Variants in KIF1A observed in about 807,000 individuals in gnomAD.
KIF1A encodes kinesin-like protein KIF1A.
In KIF1A, 46 loss-of-function variants were observed where a neutral mutation model predicts 227.3. The ratio of observed to expected loss-of-function variants is 0.20; its 90% CI spans 0.16 to 0.26. The LOEUF is 0.26. KIF1A is among the 10% of genes least tolerant of loss of function. The pLI, the probability that KIF1A is intolerant of heterozygous loss-of-function variation, is 1.00. For missense variants in KIF1A, 1,683 were observed against 2,485.9 expected (o/e 0.68, Z 6.87); for synonymous variants, 1,022 against 1,012.8 (o/e 1.01, Z -0.17).
In KIF1A at chr2:240,726,787, G is replaced by C. The variant is rs777171568; in HGVS notation, c.4122+39C>G. The C allele has an allele frequency of 8.0e-7, 1 of 1,247,848 alleles. No individual in the cohort carries two copies. The highest frequency in any genetic ancestry group is 1.2e-6 in the Non-Finnish European group (1 of 859,826). The allele number at this position is 1,247,848 out of a possible 1,614,324, so 77.3% of individuals were successfully genotyped here. On this transcript the variant is annotated intron_variant, in intron 39 of 48. Coordinates refer to ENST00000498729, the MANE Select transcript of KIF1A (RefSeq NM_001244008.2). The surrounding 1 kb of genome is among the most constrained non-coding windows in gnomAD (Gnocchi z 5.2). ...ACAAGAACCTCAAGCTTCAGGGGCTGAGTGGTTTTGGTGGAGTGCCCTGGC... is the reference window on the plus strand; with the variant it reads ...ACAAGAACCTCAAGCTTCAGGGGCTCAGTGGTTTTGGTGGAGTGCCCTGGC...
intron 1 of KIF1A, among the ~76,000 whole-genome samples, chr2:240,809,665 G>A (rs1184770030): frequency 6.7e-6 from 1 of 148,812 alleles, no homozygotes; most frequent in Non-Finnish European, 1.5e-5. Flanking sequence ...CCCTAGGGAA[G>A]GAATTTTTTT....
chr2:240,813,485 A>C (rs1411749638), intron 1 of KIF1A, among the ~76,000 whole-genome samples: 1 of 151,564 alleles, frequency 6.6e-6, no homozygotes, highest in Non-Finnish European at 1.5e-5. Flanking sequence ...CCCGCCATCC[A>C]CCCTCCGAGG....
Position 240,789,615 on chromosome 2 carries a change from C to T in KIF1A, c.107-303G>A, listed in dbSNP as rs1342727203. Among the ~76,000 whole-genome samples the T allele has an allele frequency of 1.3e-5, 2 of 152,190 alleles. No homozygotes were observed. Among genetic ancestry groups the T allele is most frequent in the Non-Finnish European group, 2.9e-5 (2 of 68,022 alleles). On this transcript the variant is annotated intron_variant, in intron 2 of 48. Coordinates refer to ENST00000498729, the MANE Select transcript of KIF1A (RefSeq NM_001244008.2). This position sits in a 1 kb window ranked among gnomAD's most constrained non-coding sequence, Gnocchi z 4.8. ...TCAAAGGCAGCCACCCGGGGAGGAT[C>T]CTTCCCACCTGCAAGCTGCGGCCCC...
Position 240,766,807 on chromosome 2 carries a change from T to C in KIF1A, c.1684+108A>G, listed in dbSNP as rs2051266111. 2 of 644,706 alleles carry C rather than the reference T, an allele frequency of 3.1e-6. No individual in the cohort carries two copies. The highest frequency in any genetic ancestry group is 5.5e-6 in the Non-Finnish European group (2 of 365,264). 39.9% of individuals were successfully genotyped at this position (644,706 alleles called of 1,614,324 possible). On this transcript the variant is annotated intron_variant, in intron 19 of 48. Coordinates refer to ENST00000498729, the MANE Select transcript of KIF1A (RefSeq NM_001244008.2). This position sits in a 1 kb window ranked among gnomAD's most constrained non-coding sequence, Gnocchi z 5.0. The stretch of plus-strand genomic sequence containing the variant: ...CACACGTCCTGCCTAGAAGTATGAC[T>C]CGCGACCCACTTAGTGCTGGGTAAG...
At chr2:240,744,697 C>T (rs1210879504) in intron 32 of KIF1A, among the ~76,000 whole-genome samples, 1 of 152,190 alleles carries the variant, frequency 6.6e-6, no homozygotes, top group African/African-American at 2.4e-5. Context: ...CTGCCCACAC[C>T]CTCATCCCGG....
chr2:240,748,187 G>A (rs909281504), intron 28 of KIF1A, among the ~76,000 whole-genome samples: 9 of 152,198 alleles, frequency 5.9e-5, no homozygotes, highest in African/African-American at 1.9e-4. Flanking sequence ...GGGATAGCAG[G>A]GGCTGTGGAC....
In KIF1A at chr2:240,793,814, T is replaced by C. The variant is rs1199695950; in HGVS notation, c.106+3833A>G. Among the ~76,000 whole-genome samples, 3 of 152,132 alleles carry C rather than the reference T, an allele frequency of 2.0e-5. No individual in the cohort carries two copies. Among genetic ancestry groups the C allele is most frequent in the Non-Finnish European group, 2.9e-5 (2 of 68,020 alleles). On this transcript the variant is annotated intron_variant, in intron 2 of 48. Transcript: ENST00000498729. The surrounding 1 kb of genome is among the most constrained non-coding windows in gnomAD (Gnocchi z 4.8). ...ACGCTTTAGAGAGTGGGGCCTCTCC[T>C]CATGTTTTGAGACTCCAGGAACAGT...
At chr2:240,720,008 AGCACCTCAGAAGGTGCAGTAGG>A (rs2045104656) in intron 45 of KIF1A, 82 bp from the exon 46 acceptor site, 1 of 1,451,956 alleles carries the variant, frequency 6.9e-7, no homozygotes, top group Admixed American at 2.3e-5. Context: ...CCCTCCTCAG[AGCACCTCAGAAGGTGCAGTAGG>A]GCACCTTCGC....
At chr2:240,718,199 CCAGG>C in intron 47 of KIF1A, 31 bp from the exon 48 acceptor site, 1 of 1,472,802 alleles carries the variant, frequency 6.8e-7, no homozygotes, top group Non-Finnish European at 9.3e-7. Context: ...TGAGGAGGTG[CCAGG>C]CTCCGTGGTC....
At chr2:240,776,929 G>A (rs2052809231) in intron 10 of KIF1A, among the ~76,000 whole-genome samples, 1 of 152,268 alleles carries the variant, frequency 6.6e-6, no homozygotes, top group Admixed American at 6.5e-5. Context: ...TTCTCTGCGA[G>A]CAGGGTTTCA....
chr2:240,734,699 C>T (rs932677782), intron 38 of KIF1A: 1 of 1,304,058 alleles, frequency 7.7e-7, no homozygotes. Context: ...CAAGGGTAAA[C>T]CAAGGGTCAC....
In KIF1A at chr2:240,774,327, C is replaced by G. The variant is rs1035451766; in HGVS notation, c.959-66G>C. On this transcript the variant is annotated intron_variant, in intron 11 of 48. Transcript: ENST00000498729. ...GGCCCCAGGGCTATGTCTGCTCCCC[C>G]CTTCCCCCCACATTTACAGATGGGG... 24 of 1,070,194 alleles carry G rather than the reference C, an allele frequency of 2.2e-5. 1 individual carries two copies. Among genetic ancestry groups the G allele is most frequent in the Admixed American group, 9.1e-5 (5 of 54,762 alleles). 66.3% of individuals were successfully genotyped at this position (1,070,194 alleles called of 1,614,324 possible). A position where few individuals can be genotyped will look rare whatever the true frequency, so the allele number is the denominator to read the frequency against.
At chr2:240,808,875 C>A (rs1015941239) in intron 1 of KIF1A, among the ~76,000 whole-genome samples, 2 of 151,898 alleles carry the variant, frequency 1.3e-5, no homozygotes, top group East Asian at 3.9e-4. Context: ...GGATTACAGG[C>A]GCCCACCACC....
intron 27 of KIF1A, among the ~76,000 whole-genome samples, chr2:240,753,542 A>C (rs4676372): frequency 0.59 from 89,372 of 152,080 alleles, 26,795 homozygotes; most frequent in African/African-American, 0.69. Context: ...CCCCAGGCTC[A>C]GATCATCCCA....
At chr2:240,762,263 G>A (rs906986761) in intron 23 of KIF1A, among the ~76,000 whole-genome samples, 18 of 152,330 alleles carry the variant, frequency 1.2e-4, no homozygotes, top group South Asian at 1.0e-3. Flanking sequence ...GTTGGCCCCC[G>A]GAGCACATGC....
chr2:240,733,284 T>C (rs569541636), intron 38 of KIF1A, among the ~76,000 whole-genome samples: 7 of 152,026 alleles, frequency 4.6e-5, no homozygotes, highest in Non-Finnish European at 7.4e-5. Context: ...TTTCCGAGCA[T>C]GGGGAAACTC....
intron 25 of KIF1A, among the ~76,000 whole-genome samples, 153 bp downstream of exon 25, chr2:240,760,512 C>T (rs1255201284): frequency 1.3e-5 from 2 of 152,254 alleles, no homozygotes; most frequent in African/African-American, 2.4e-5. Context: ...ACTCTATTCA[C>T]ATTTTTCTTC....
At position 240,718,114 on chromosome 2, in the gene KIF1A, C is replaced by T. The variant is rs773017134; in HGVS notation, c.5269G>A (p.Ala1757Thr). The change falls in exon 48 of 49, where the codon GCC (alanine) becomes ACC (threonine). Residue 1757 changes from alanine to threonine, a missense_variant. Around this residue, in one of 12 missense-constraint regions of KIF1A, gnomAD observed 384 missense variants for 410.1 expected, o/e 0.94. Transcript: ENST00000498729. ...TEHRGILLQAASDKDMHDWLY... is the reference protein window; with the variant it reads ...TEHRGILLQATSDKDMHDWLY... ...CAGTCATGCATGTCCTTGTCGCTGG[C>T]GGCCTGCAGCAGGATGCCGCGGTGT... The T allele has an allele frequency of 2.4e-5, 38 of 1,611,084 alleles. No homozygotes were observed. Among genetic ancestry groups the T allele is most frequent in the South Asian group, 9.9e-5 (9 of 90,616 alleles).
rs2053475750 is a variant in KIF1A, at chr2:240,780,287, C to A, written c.882+2303G>T. ...GTCCCTCACACGATTCCCACGCGGCCCCACACCCCTCCACACACTTCCGCT... is the reference window on the plus strand; with the variant it reads ...GTCCCTCACACGATTCCCACGCGGCACCACACCCCTCCACACACTTCCGCT... On this transcript the variant is annotated intron_variant, in intron 10 of 48. Transcript: ENST00000498729. Among the ~76,000 whole-genome samples, 2 of 151,958 alleles carry A rather than the reference C, an allele frequency of 1.3e-5. 1 individual carries two copies. The highest frequency in any genetic ancestry group is 4.2e-4 in the South Asian group (2 of 4,812).
Sources: gnomAD v4.1 joint callset for allele counts (sites outside exome capture counted in the v4.1 genomes callset) on GRCh38, gnomAD v4.1.1 for gene constraint, gnomAD v4.1.1 regional missense constraint, Gnocchi (gnomAD v3.1) non-coding constraint, MANE v1.5 for transcripts, NCBI Gene and HGNC (gene_info 2026-07-23, HGNC 2026-07-21) for gene names.